COL12A1: variants seen among roughly 807,000 people sequenced by gnomAD.
COL12A1 encodes collagen type XII alpha 1 chain.
A neutral mutation model predicts 349.7 loss-of-function variants in COL12A1; 114 were observed. That is an observed-to-expected ratio of 0.33 (90% confidence interval 0.28 to 0.38). COL12A1 has a LOEUF of 0.38. Among genes scored for constraint, COL12A1 ranks in the 10% least tolerant of loss-of-function variants. The pLI, the probability that COL12A1 is intolerant of heterozygous loss-of-function variation, is 1.00. For synonymous variants in COL12A1, 1,369 were observed against 1,329.0 expected (o/e 1.03, Z -0.66); for missense variants, 3,284 against 3,756.9 (o/e 0.87, Z 3.29).
chr6:75,173,256 G>A (rs1768732192), intron 13 of COL12A1, among the ~76,000 whole-genome samples: 1 of 152,156 alleles, frequency 6.6e-6, no homozygotes. Context: ...CAGCTAAGCA[G>A]TACAACTGGG....
chr6:75,152,557 C>T (rs1213695738), intron 17 of COL12A1, 75 bp from the exon 18 acceptor site: 21 of 1,541,436 alleles, frequency 1.4e-5, no homozygotes, highest in South Asian at 4.5e-5. Context: ...ACACCTCTAC[C>T]ACTCCCTGGA....
At chr6:75,108,775 A>C (rs75381017) in intron 52 of COL12A1, among the ~76,000 whole-genome samples, 1 of 152,196 alleles carries the variant, frequency 6.6e-6, no homozygotes, top group African/African-American at 2.4e-5. Context: ...AAATGACTAC[A>C]TGGTGTTCCC....
intron 13 of COL12A1, among the ~76,000 whole-genome samples, chr6:75,174,511 G>C (rs1047541103): frequency 1.3e-5 from 2 of 152,128 alleles, no homozygotes; most frequent in East Asian, 3.9e-4. Context: ...AGCCGAGATA[G>C]CGCCACTGCA....
chr6:75,184,064 G>C lies in COL12A1; in HGVS notation c.1078C>G (p.Pro360Ala). The change falls in exon 9 of 66, where the codon CCA (proline) becomes GCA (alanine). Residue 360 changes from proline to alanine, a missense_variant. Around this residue, in one of 2 missense-constraint regions of COL12A1, gnomAD observed 2,601 missense variants for 2,824.8 expected, o/e 0.92. Coordinates refer to ENST00000322507, the MANE Select transcript of COL12A1 (RefSeq NM_004370.6). ...AGGATGACTTTGTAGCCAGTCACTGGACTAGGAGATGGATTCCAATTTAGC... is the reference window on the plus strand; with the variant it reads ...AGGATGACTTTGTAGCCAGTCACTGCACTAGGAGATGGATTCCAATTTAGC... ...VKLNWNPSPS[P>A]VTGYKVILTP... The C allele has an allele frequency of 6.2e-7, 1 of 1,614,148 alleles. No individual in the cohort carries two copies. The highest frequency in any genetic ancestry group is 8.5e-7 in the Non-Finnish European group (1 of 1,180,026).
chr6:75,186,925 T>C (rs1380673604), intron 8 of COL12A1, among the ~76,000 whole-genome samples: 1 of 151,646 alleles, frequency 6.6e-6, no homozygotes, highest in Non-Finnish European at 1.5e-5. Flanking sequence ...GATGAGAACA[T>C]ATGGAGACAT....
Position 75,165,383 on chromosome 6 carries a change from A to C in COL12A1, c.2983+124T>G, listed in dbSNP as rs1027921978. The C allele has an allele frequency of 3.1e-6, 4 of 1,286,848 alleles. No homozygotes were observed. The African/African-American group carries it at 4.5e-5, about 14-fold the overall frequency. The allele number at this position is 1,286,848 out of a possible 1,614,324, so 79.7% of individuals were successfully genotyped here. On this transcript the variant is annotated intron_variant, in intron 14 of 65. Coordinates refer to ENST00000322507, the MANE Select transcript of COL12A1 (RefSeq NM_004370.6). ...TAAGCCAAATTCTTTAAAGATCCTA[A>C]TTCCTCAGTCTTCATTTATCATGTA...
At chr6:75,200,230 T>A (rs931556283) in intron 2 of COL12A1, among the ~76,000 whole-genome samples, 4 of 152,210 alleles carry the variant, frequency 2.6e-5, no homozygotes, top group Non-Finnish European at 4.4e-5. Flanking sequence ...ACAGCAGAGC[T>A]GTGCTGTCCG....
rs1768261055 is a variant in COL12A1 at position 75,165,720 on chromosome 6, A to G, written c.2770T>C (p.Tyr924His). Residue 924 changes from tyrosine (Y) to histidine (H), a missense_variant, in exon 14 of 66, where the codon TAT becomes CAT. Coordinates refer to ENST00000322507, the MANE Select transcript of COL12A1 (RefSeq NM_004370.6). ...ACCATTCCTGGAGCAGATGTCCAAT[A>G]AGCCCCAATTGATGTGTCAGTGATG... ...KDITDTSIGA[Y>H]WTSAPGMVRG... 3 of 1,613,924 alleles carry G rather than the reference A, an allele frequency of 1.9e-6. No individual in the cohort carries two copies. Among genetic ancestry groups the G allele is most frequent in the Non-Finnish European group, 2.5e-6 (3 of 1,179,934 alleles).
In COL12A1 at chr6:75,130,361, T is replaced by C. The variant is rs1482122147; in HGVS notation, c.6068-128A>G. ...ATGTTTCCTCCCATATAATAAAATA[T>C]ACATTTATGGTTTTAATGTGAAATC... is the stretch of plus-strand genomic sequence containing the variant. On this transcript the variant is annotated intron_variant, in intron 36 of 65. Coordinates refer to ENST00000322507, the MANE Select transcript of COL12A1 (RefSeq NM_004370.6). 24 of 927,510 alleles carry C rather than the reference T, an allele frequency of 2.6e-5. 1 individual carries two copies. In the South Asian group the frequency reaches 3.0e-4, roughly 12 times the overall value. The allele number at this position is 927,510 out of a possible 1,614,324, so 57.5% of individuals were successfully genotyped here.
At chr6:75,110,322 T>G (rs978543363) in intron 51 of COL12A1, among the ~76,000 whole-genome samples, 1 of 152,090 alleles carries the variant, frequency 6.6e-6, no homozygotes, top group African/African-American at 2.4e-5. Context: ...ATTTTTAATT[T>G]GTGACAAAAT....
rs181498913 is a variant in COL12A1, at chr6:75,174,357, T to C, written c.2710+681A>G. On this transcript the variant is annotated intron_variant, in intron 13 of 65. Transcript: ENST00000322507. ...GGATCACGAGGTCAGGAGATCGAGA[T>C]CATCCTGGCTAACATGGTGAAACCC... Among the ~76,000 whole-genome samples the C allele has an allele frequency of 5.3e-3, 809 of 151,974 alleles. 2 individuals are homozygous for C. Among genetic ancestry groups the C allele is most frequent in the Middle Eastern group, 0.014 (4 of 294 alleles).
In COL12A1 at chr6:75,152,010, C is replaced by T. The variant is rs191757914; in HGVS notation, c.3857G>A (p.Arg1286His). 1.9e-5 allele frequency: 31 copies of T among 1,613,698 alleles called. No homozygotes were observed. In the Middle Eastern group the frequency reaches 5.0e-4, roughly 26 times the overall value. Reference protein sequence around the residue: ...TLTGMALNFIRQQNFRTQAGM... With the variant: ...TLTGMALNFIHQQNFRTQAGM... ...AGCTTGGGTCCTGAAGTTCTGTTGG[C>T]GAATGAAATTCAAAGCCATGCCTAG... The change falls in exon 20 of 66, where the codon CGC becomes CAC. Residue 1286 changes from arginine to histidine, a missense_variant. Transcript: ENST00000322507.
Position 75,090,752 on chromosome 6 carries a change from A to G in COL12A1, c.8753-454T>C, listed in dbSNP as rs1216013606. Among the ~76,000 whole-genome samples the G allele has an allele frequency of 2.0e-5, 3 of 152,222 alleles. No individual in the cohort carries two copies. The highest frequency in any genetic ancestry group is 7.2e-5 in the African/African-American group (3 of 41,454). On this transcript the variant is annotated intron_variant, in intron 62 of 65. Transcript: ENST00000322507. This position sits in a 1 kb window ranked among gnomAD's most constrained non-coding sequence, Gnocchi z 4.1. ...TTTCTGGGCCTTATCTCCAAAGTCA[A>G]TGATTCACTAAGCTTAGGGCATGGT...
Position 75,113,267 on chromosome 6 carries a change from C to T in COL12A1, c.7887G>A (p.Glu2629=), listed in dbSNP as rs1582069054. The change falls in exon 51 of 66, where the codon GAG becomes GAA. Residue 2629 remains glutamate (E), a synonymous_variant. Transcript: ENST00000322507. ...CTGTGTCAAATGTAACAGTTTGCAC[C>T]TCGCCTCTTGTATCCTTGTTAAAGA... The part of the protein sequence containing the change: ...LSFFNKDTRG[E]VQTVTFDTEE... The T allele has an allele frequency of 1.3e-6, 2 of 1,562,120 alleles. No homozygotes were observed. The highest frequency in any genetic ancestry group is 1.7e-6 in the Non-Finnish European group (2 of 1,157,252).
chr6:75,143,520 T>G (rs1767017687), intron 25 of COL12A1, 132 bp from the exon 26 acceptor site: 3 of 935,202 alleles, frequency 3.2e-6, no homozygotes, highest in Non-Finnish European at 4.7e-6. Context: ...AAAAAATGAT[T>G]ATGATGATAA....
intron 13 of COL12A1, among the ~76,000 whole-genome samples, chr6:75,172,527 G>T (rs1289370221): frequency 6.6e-6 from 1 of 152,132 alleles, no homozygotes; most frequent in Non-Finnish European, 1.5e-5. Flanking sequence ...AAGAGTGAAA[G>T]TTTGTCCTCT....
At chr6:75,121,634 G>A (rs1482677455) in intron 43 of COL12A1, among the ~76,000 whole-genome samples, 193 bp from the exon 44 acceptor site, 1 of 152,218 alleles carries the variant, frequency 6.6e-6, no homozygotes, top group African/African-American at 2.4e-5. Flanking sequence ...AGTACCAGCA[G>A]TAATAAGATG....
rs1022299111 is a variant in COL12A1, at chr6:75,204,761, C to T, written c.-36+1016G>A. On this transcript the variant is annotated intron_variant, in intron 1 of 65. Transcript: ENST00000322507. ...TGGAAGAACCCAATTCCTTAACTCC[C>T]GCGTCCAGTTAAAAAGAAAATCACA... Among the ~76,000 whole-genome samples, 3 of 152,216 alleles carry T rather than the reference C, an allele frequency of 2.0e-5. No homozygotes were observed. In the South Asian group the frequency reaches 6.2e-4, roughly 32 times the overall value.
chr6:75,175,847 T>C (rs536997576), intron 12 of COL12A1, among the ~76,000 whole-genome samples: 19 of 152,296 alleles, frequency 1.2e-4, no homozygotes, highest in Non-Finnish European at 2.4e-4. Context: ...GAGCCTTGGG[T>C]ACAAATCCCG....
Sources: allele counts gnomAD v4.1 joint callset (sites outside exome capture counted in the v4.1 genomes callset), GRCh38; gene constraint gnomAD v4.1.1; regional missense constraint gnomAD v4.1.1; non-coding constraint Gnocchi (gnomAD v3.1); transcripts MANE v1.5; gene names NCBI Gene and HGNC (gene_info 2026-07-23, HGNC 2026-07-21).